The following RBM19 variants were observed in gnomAD, a reference collection of about 807,000 sequenced individuals.
The protein encoded by RBM19 is probable RNA-binding protein 19.
Under a neutral mutation model 116.8 loss-of-function variants are expected in RBM19, and 94 were observed. That is an observed-to-expected ratio of 0.80 (90% CI 0.68 to 0.95). The LOEUF is 0.95. Among genes scored for constraint, RBM19 ranks in the 40% least tolerant of loss-of-function variants. RBM19 has a pLI of 0.00. For missense variants in RBM19, 1,161 were observed against 1,220.7 expected (o/e 0.95, Z 0.73); for synonymous variants, 475 against 494.1 (o/e 0.96, Z 0.51).
chr12:113,952,423 C>T, intron 8 of RBM19, 89 bp downstream of exon 8: 2 of 1,188,974 alleles, frequency 1.7e-6, no homozygotes, highest in East Asian at 2.4e-5. Context: ...AAAACGGGTG[C>T]CCTTAAAACT....
intron 15 of RBM19, among the ~76,000 whole-genome samples, chr12:113,937,499 C>T (rs1420288149): frequency 1.3e-5 from 2 of 152,258 alleles, no homozygotes; most frequent in East Asian, 3.9e-4. Flanking sequence ...TGCAGCTCTC[C>T]AGGAGGAAGT....
chr12:113,845,491 G>A (rs1876887911), intron 22 of RBM19, among the ~76,000 whole-genome samples: 1 of 152,164 alleles, frequency 6.6e-6, no homozygotes, highest in South Asian at 2.1e-4. Context: ...TACACTGCTT[G>A]TCTGAAGACA....
At chr12:113,821,715 C>T (rs1358183929), downstream of RBM19, among the ~76,000 whole-genome samples, 2 of 151,918 alleles carry the variant, frequency 1.3e-5, no homozygotes, top group Non-Finnish European at 2.9e-5. Flanking sequence ...CTGCAGTGAG[C>T]TATGATCATG....
At chr12:113,962,550 G>C in intron 1 of RBM19, 136 bp from the exon 2 acceptor site, 1 of 798,184 alleles carries the variant, frequency 1.3e-6, no homozygotes, top group Admixed American at 2.7e-5. Flanking sequence ...TACTTTTCTA[G>C]TTACAACAGG....
chr12:113,907,249 G>A (rs890954026), intron 21 of RBM19, among the ~76,000 whole-genome samples: 4 of 152,118 alleles, frequency 2.6e-5, no homozygotes, highest in Admixed American at 1.3e-4. Flanking sequence ...ACCATGTCAC[G>A]GAATTTATTT....
chr12:113,924,818 C>G, intron 17 of RBM19, 61 bp from the exon 18 acceptor site: 1 of 1,379,856 alleles, frequency 7.2e-7, no homozygotes, highest in Non-Finnish European at 1.0e-6. Context: ...GCAAGGGCAC[C>G]TGTCAAACAC....
downstream of RBM19, among the ~76,000 whole-genome samples, chr12:113,819,160 G>A (rs1874258432): frequency 6.6e-6 from 1 of 152,206 alleles, no homozygotes. Context: ...GACAGCAGAT[G>A]CGGTTCCAGC....
At chr12:113,906,315 T>C (rs565602743) in intron 21 of RBM19, among the ~76,000 whole-genome samples, 2 of 152,326 alleles carry the variant, frequency 1.3e-5, no homozygotes, top group South Asian at 2.1e-4. Context: ...ACATAGCAAG[T>C]GCGGATCCCA....
chr12:113,817,097 C>T (rs772230248), downstream of RBM19: 1 of 152,222 alleles, frequency 6.6e-6, no homozygotes, highest in Non-Finnish European at 1.5e-5. Flanking sequence ...CTGCGGAGCA[C>T]AGACGGGCGC....
At chr12:113,946,292 G>A in intron 12 of RBM19, 62 bp downstream of exon 12, 1 of 1,611,224 alleles carries the variant, frequency 6.2e-7, no homozygotes, top group Non-Finnish European at 8.5e-7. Context: ...GCTTAGAAAG[G>A]GCAGGGTGAG....
chr12:113,934,415 G>A (rs1869873381), intron 16 of RBM19, among the ~76,000 whole-genome samples: 2 of 152,336 alleles, frequency 1.3e-5, no homozygotes, highest in Non-Finnish European at 2.9e-5. Flanking sequence ...CATTTCCCCA[G>A]GGGCTCTAGG....
chr12:113,932,095 G>A (rs1299347033), intron 16 of RBM19, among the ~76,000 whole-genome samples: 1 of 152,040 alleles, frequency 6.6e-6, no homozygotes, highest in Non-Finnish European at 1.5e-5. Context: ...TATTGTGATC[G>A]AGAAGAGCTG....
intron 23 of RBM19, among the ~76,000 whole-genome samples, chr12:113,826,407 G>A (rs765975832): frequency 2.0e-5 from 3 of 152,196 alleles, no homozygotes; most frequent in South Asian, 2.1e-4. Context: ...TGTGCTGAGC[G>A]ACTGAGGGAG....
chr12:113,854,505 T>C (rs1877718433), intron 22 of RBM19, among the ~76,000 whole-genome samples: 1 of 151,790 alleles, frequency 6.6e-6, no homozygotes, highest in African/African-American at 2.4e-5. Flanking sequence ...TCCCTCCACA[T>C]GTGGGGAAGG....
intron 15 of RBM19, 123 bp downstream of exon 15, chr12:113,939,837 G>A (rs576348456): frequency 2.2e-5 from 22 of 989,364 alleles, no homozygotes; most frequent in Non-Finnish European, 3.2e-5. Flanking sequence ...TGATCGTGAC[G>A]GGCGGTTTAG....
intron 4 of RBM19, 150 bp from the exon 5 acceptor site, chr12:113,959,554 G>T: frequency 2.1e-6 from 2 of 936,206 alleles, no homozygotes; most frequent in Non-Finnish European, 3.1e-6. Context: ...AGGACCCCGA[G>T]GTTCAGCTGG....
At chr12:113,955,546 T>C (rs1871860596) in intron 6 of RBM19, among the ~76,000 whole-genome samples, 1 of 152,118 alleles carries the variant, frequency 6.6e-6, no homozygotes, top group Non-Finnish European at 1.5e-5. Context: ...ATGTAGGGCT[T>C]ATCAGTGCCA....
intron 21 of RBM19, among the ~76,000 whole-genome samples, chr12:113,901,654 G>A (rs926620450): frequency 6.6e-6 from 1 of 152,052 alleles, no homozygotes; most frequent in South Asian, 2.1e-4. Context: ...GACGACAGGC[G>A]CCTGCCACCA....
In RBM19 at chr12:113,948,874, G is replaced by C; in HGVS notation, c.1235C>G (p.Thr412Ser). 1.9e-6 allele frequency: 3 copies of C among 1,614,214 alleles called. No homozygotes were observed. Among genetic ancestry groups the C allele is most frequent in the Non-Finnish European group, 2.5e-6 (3 of 1,180,044 alleles). ...GRLFVRNLPYTSTEEDLEKLF... is the reference protein window; with the variant it reads ...GRLFVRNLPYSSTEEDLEKLF... ...CTTCTCCAGATCCTCCTCGGTGCTG[G>C]TGTAGGGCAGGTTCCGTACAAAGAG... is the stretch of plus-strand genomic sequence containing the variant. Residue 412 changes from threonine to serine, a missense_variant, in exon 10 of 24, where the codon ACC becomes AGC. Coordinates refer to ENST00000261741, the MANE Select transcript of RBM19 (RefSeq NM_016196.4).
Sources: gnomAD v4.1 joint callset for allele counts (sites outside exome capture counted in the v4.1 genomes callset) on GRCh38, gnomAD v4.1.1 for gene constraint, MANE v1.5 for transcripts, NCBI Gene and HGNC (gene_info 2026-07-23, HGNC 2026-07-21) for gene names.